The following LPCAT1 variants were observed in gnomAD, a reference collection of about 807,000 sequenced individuals.
LPCAT1 encodes 1-acylglycerol-3-phosphate O-acyltransferase.
LPCAT1 carries 23 observed loss-of-function variants against 60.9 expected under a neutral mutation model. The observed-to-expected ratio is 0.38, with a 90% CI of 0.27 to 0.53. The LOEUF is 0.53. Ranked by LOEUF, LPCAT1 falls within the 20% of genes least tolerant of loss-of-function variation. The pLI, the probability that LPCAT1 is intolerant of heterozygous loss-of-function variation, is 0.82. For missense variants in LPCAT1, 622 were observed against 723.6 expected, an observed-to-expected ratio of 0.86 and a Z score of 1.61; for synonymous variants, 340 against 301.1, an observed-to-expected ratio of 1.13 and a Z score of -1.34.
In LPCAT1 at chr5:1,523,549, C is replaced by A. The variant is rs531470810; in HGVS notation, c.135+161G>T. ...AGGCATCGGGTGCGGGCGGCGGGGA[C>A]GCGAACTGAGGGGCGGCCGCGGGGA... is the stretch of plus-strand genomic sequence containing the variant. On this transcript the variant is annotated intron_variant, in intron 1 of 13. Transcript: ENST00000283415. This position sits in a 1 kb window ranked among gnomAD's most constrained non-coding sequence, Gnocchi z 7.1. 6.6e-6 allele frequency among the ~76,000 whole-genome samples: 1 copy of A among 150,524 alleles called. No individual in the cohort carries two copies. Among genetic ancestry groups the A allele is most frequent in the Non-Finnish European group, 1.5e-5 (1 of 67,416 alleles).
At position 1,477,648 on chromosome 5, in the gene LPCAT1, A is replaced by C. The variant is rs548744188; in HGVS notation, c.817-162T>G. 5.3e-5 allele frequency among the ~76,000 whole-genome samples: 8 copies of C among 152,224 alleles called. No homozygotes were observed. The highest frequency in any genetic ancestry group is 3.4e-3 in the Middle Eastern group (1 of 294). Reference sequence around the variant, plus strand: ...TGCACGTGTGTGTACGCACACACACACCCCCATGATGCATGAACTGCACAC... The same window carrying C: ...TGCACGTGTGTGTACGCACACACACCCCCCCATGATGCATGAACTGCACAC... On this transcript the variant is annotated intron_variant, in intron 8 of 13. Transcript: ENST00000283415. The surrounding 1 kb of genome is among the most constrained non-coding windows in gnomAD (Gnocchi z 6.0).
chr5:1,473,935 C>G (rs781246683), intron 11 of LPCAT1, 22 bp downstream of exon 11: 2 of 1,604,914 alleles, frequency 1.2e-6, no homozygotes, highest in East Asian at 4.5e-5. Context: ...CGACACCCCG[C>G]TCCGCAGGCG....
chr5:1,522,620 G>A lies in LPCAT1; in HGVS notation c.135+1090C>T, dbSNP rs16879398. Among the ~76,000 whole-genome samples the A allele has an allele frequency of 9.2e-5, 14 of 152,204 alleles. No homozygotes were observed. The highest frequency in any genetic ancestry group is 3.1e-4 in the African/African-American group (13 of 41,510). On this transcript the variant is annotated intron_variant, in intron 1 of 13. Coordinates refer to ENST00000283415, the MANE Select transcript of LPCAT1 (RefSeq NM_024830.5). This position sits in a 1 kb window ranked among gnomAD's most constrained non-coding sequence, Gnocchi z 6.8. ...AGCAGGCGTCCTGGGAAAATGACAA[G>A]CTCAAACTGGCCTCAAGAACTTTTC...
At chr5:1,486,385 G>A (rs2126540186) in intron 5 of LPCAT1, among the ~76,000 whole-genome samples, 1 of 152,324 alleles carries the variant, frequency 6.6e-6, no homozygotes, top group East Asian at 1.9e-4. Flanking sequence ...GGAGGACCCT[G>A]CTGGAGGCTC....
chr5:1,479,726 A>G lies in LPCAT1; in HGVS notation c.762-51T>C, dbSNP rs764882303. ...AGCAGATTTACAACTCGGGTTAACA[A>G]GTAAATTACTCCCAATTCTGGGGTG... is the stretch of plus-strand genomic sequence containing the variant. On this transcript the variant is annotated intron_variant, in intron 7 of 13. Coordinates refer to ENST00000283415, the MANE Select transcript of LPCAT1 (RefSeq NM_024830.5). 5.0e-6 allele frequency: 7 copies of G among 1,389,542 alleles called. No individual in the cohort carries two copies. In the South Asian group the frequency reaches 8.2e-5, roughly 16 times the overall value. 86.1% of individuals were successfully genotyped at this position (1,389,542 alleles called of 1,614,324 possible).
In LPCAT1 at chr5:1,477,691, C is replaced by G. The variant is rs150813112; in HGVS notation, c.817-205G>C. ...CTGCACACGTGTGCACCTGAACACT[C>G]ACCCTCATTGGTGCTCCCTGGGAGC... is the stretch of plus-strand genomic sequence containing the variant. On this transcript the variant is annotated intron_variant, in intron 8 of 13. Transcript: ENST00000283415. The surrounding 1 kb of genome is among the most constrained non-coding windows in gnomAD (Gnocchi z 6.0). Among the ~76,000 whole-genome samples, 579 of 152,340 alleles carry G rather than the reference C, an allele frequency of 3.8e-3. 6 individuals are homozygous for G. Among genetic ancestry groups the G allele is most frequent in the Middle Eastern group, 0.01 (3 of 294 alleles).
intron 6 of LPCAT1, among the ~76,000 whole-genome samples, chr5:1,482,948 T>C (rs1251741268): frequency 6.6e-6 from 1 of 152,160 alleles, no homozygotes; most frequent in Non-Finnish European, 1.5e-5. Flanking sequence ...ACCACAGAAA[T>C]GACAAAGTCA....
Position 1,480,893 on chromosome 5 carries a change from G to C in LPCAT1, c.761+49C>G. ...ACAGCAGACCCCAAGCAGCCCCTACGTGTTCATGGAACAACAGGACAAAGA... is the reference window on the plus strand; with the variant it reads ...ACAGCAGACCCCAAGCAGCCCCTACCTGTTCATGGAACAACAGGACAAAGA... On this transcript the variant is annotated intron_variant, in intron 7 of 13. Transcript: ENST00000283415. The surrounding 1 kb of genome is among the most constrained non-coding windows in gnomAD (Gnocchi z 6.4). 6.2e-7 allele frequency: 1 copy of C among 1,609,324 alleles called. No homozygotes were observed.
chr5:1,485,989 T>C (rs1735358280), intron 5 of LPCAT1, among the ~76,000 whole-genome samples: 1 of 152,200 alleles, frequency 6.6e-6, no homozygotes. Flanking sequence ...CTCACTGTCT[T>C]CGTTCTGCTC....
At chr5:1,479,381 G>GAAAAACAAA (rs1354591711) in intron 8 of LPCAT1, 1 of 547,470 alleles carries the variant, frequency 1.8e-6, no homozygotes, top group Admixed American at 3.2e-5. Flanking sequence ...TGCTGTCTCA[G>GAAAAACAAA]AAAAACAAAA....
At position 1,483,621 on chromosome 5, in the gene LPCAT1, C is replaced by G. The variant is rs1297791940; in HGVS notation, c.668-135G>C. ...TCCTGGTCAGCAAGGGCACTCCATG[C>G]CTGGACTATCTCAACATCTGTCCTG... is the stretch of plus-strand genomic sequence containing the variant. On this transcript the variant is annotated intron_variant, in intron 5 of 13. Coordinates refer to ENST00000283415, the MANE Select transcript of LPCAT1 (RefSeq NM_024830.5). The surrounding 1 kb of genome is among the most constrained non-coding windows in gnomAD (Gnocchi z 9.2). 1.3e-6 allele frequency: 1 copy of G among 782,764 alleles called. No homozygotes were observed. The highest frequency in any genetic ancestry group is 2.1e-6 in the Non-Finnish European group (1 of 466,866). 48.5% of individuals were successfully genotyped at this position (782,764 alleles called of 1,614,324 possible).
chr5:1,505,372 T>C (rs1383667588), intron 1 of LPCAT1, among the ~76,000 whole-genome samples: 4 of 149,236 alleles, frequency 2.7e-5, no homozygotes, highest in Non-Finnish European at 5.9e-5. Flanking sequence ...ACTGCAACAC[T>C]GCTTCCACCA....
chr5:1,474,167 C>T, intron 10 of LPCAT1, 57 bp from the exon 11 acceptor site: 1 of 1,547,664 alleles, frequency 6.5e-7, no homozygotes, highest in Non-Finnish European at 8.9e-7. Flanking sequence ...CATGCTAACA[C>T]CAGATTTACT....
rs951661108 is a variant in LPCAT1, at chr5:1,481,722, A to G, written c.727-746T>C. 5.3e-5 allele frequency among the ~76,000 whole-genome samples: 8 copies of G among 152,258 alleles called. No homozygotes were observed. The highest frequency in any genetic ancestry group is 1.9e-4 in the African/African-American group (8 of 41,476). ...TCCTCGGGTTGACTTTTTTGCCCACAGGAGTTGCACTGGGGCATGGTTTCC... is the reference window on the plus strand; with the variant it reads ...TCCTCGGGTTGACTTTTTTGCCCACGGGAGTTGCACTGGGGCATGGTTTCC... On this transcript the variant is annotated intron_variant, in intron 6 of 13. Transcript: ENST00000283415. This position sits in a 1 kb window ranked among gnomAD's most constrained non-coding sequence, Gnocchi z 7.8.
At position 1,504,418 on chromosome 5, in the gene LPCAT1, G is replaced by C. The variant is rs138471512; in HGVS notation, c.136-2815C>G. On this transcript the variant is annotated intron_variant, in intron 1 of 13. Coordinates refer to ENST00000283415, the MANE Select transcript of LPCAT1 (RefSeq NM_024830.5). Reference sequence around the variant, plus strand: ...TGCAGTGCACAAGCCTGGCTCTGCTGTTAAAGCCGACAGCTAGGCAGGGCG... The same window carrying C: ...TGCAGTGCACAAGCCTGGCTCTGCTCTTAAAGCCGACAGCTAGGCAGGGCG... Among the ~76,000 whole-genome samples the C allele has an allele frequency of 4.3e-4, 66 of 152,364 alleles. 1 individual carries two copies. In the East Asian group the frequency reaches 9.1e-3, roughly 21 times the overall value.
intron 12 of LPCAT1, 108 bp from the exon 13 acceptor site, chr5:1,466,998 CA>C: frequency 8.2e-7 from 1 of 1,224,308 alleles, no homozygotes; most frequent in Non-Finnish European, 1.1e-6. Context: ...AGCTGCTGGG[CA>C]CCTGCAGGGC....
intron 1 of LPCAT1, among the ~76,000 whole-genome samples, chr5:1,509,004 G>C (rs920944903): frequency 1.3e-5 from 2 of 152,268 alleles, no homozygotes; most frequent in Admixed American, 6.5e-5. Context: ...TGCCCGACAG[G>C]GGTGCTGCGG....
Position 1,479,615 on chromosome 5 carries a change from A to T in LPCAT1, c.816+6T>A, listed in dbSNP as rs1402376504. On this transcript the variant is annotated splice_donor_region_variant and intron_variant, in intron 8 of 13. Transcript: ENST00000283415. ...GAGCGCTGTGTAACTCTGTATCCAT[A>T]CGAACCTCGATTTCCACTTGGTTGT... is the stretch of plus-strand genomic sequence containing the variant. 1 of 1,603,392 alleles carries T rather than the reference A, an allele frequency of 6.2e-7. No homozygotes were observed. The highest frequency in any genetic ancestry group is 1.7e-5 in the Admixed American group (1 of 60,018).
intron 1 of LPCAT1, among the ~76,000 whole-genome samples, chr5:1,511,137 G>A (rs776634225): frequency 2.0e-5 from 3 of 152,200 alleles, no homozygotes; most frequent in East Asian, 1.9e-4. Flanking sequence ...GAGTCACTGC[G>A]GTTACTTGCT....
Sources: allele counts gnomAD v4.1 joint callset (sites outside exome capture counted in the v4.1 genomes callset), GRCh38; gene constraint gnomAD v4.1.1; non-coding constraint Gnocchi (gnomAD v3.1); transcripts MANE v1.5; gene names NCBI Gene and HGNC (gene_info 2026-07-23, HGNC 2026-07-21).